Variants in NTRK2 observed in about 807,000 individuals in gnomAD.
NTRK2 encodes BDNF/NT-3 growth factors receptor.
A neutral mutation model predicts 94.5 loss-of-function variants in NTRK2; 13 were observed. The observed-to-expected ratio is 0.14, with a 90% CI of 0.09 to 0.22. The LOEUF (loss-of-function observed/expected upper bound fraction) is 0.22, where lower values mean the gene tolerates loss of function less well. Ranked by LOEUF, NTRK2 falls within the 10% of genes least tolerant of loss-of-function variation. NTRK2 has a pLI of 1.00. For missense variants in NTRK2, 639 were observed against 1,071.2 expected (o/e 0.60, Z 5.63); for synonymous variants, 372 against 407.4 (o/e 0.91, Z 1.05).
At chr9:84,949,593 A>G (rs2078711680) in intron 16 of NTRK2, among the ~76,000 whole-genome samples, 1 of 152,040 alleles carries the variant, frequency 6.6e-6, no homozygotes, top group South Asian at 2.1e-4. Flanking sequence ...TCAACCTCCC[A>G]CGTAGCTGGG....
chr9:84,943,853 G>C (rs1369511072), intron 15 of NTRK2, among the ~76,000 whole-genome samples: 4 of 152,122 alleles, frequency 2.6e-5, no homozygotes, highest in African/African-American at 9.7e-5. Flanking sequence ...TCCACCCTTA[G>C]AAAAATTCTG....
intron 15 of NTRK2, among the ~76,000 whole-genome samples, chr9:84,945,088 G>A (rs1302611239): frequency 6.6e-6 from 1 of 152,106 alleles, no homozygotes; most frequent in East Asian, 1.9e-4. Context: ...CACAAGTTTG[G>A]GGCCAACTCT....
At chr9:84,940,303 G>T (rs2078362790) in intron 15 of NTRK2, among the ~76,000 whole-genome samples, 1 of 152,184 alleles carries the variant, frequency 6.6e-6, no homozygotes, top group Admixed American at 6.5e-5. Context: ...GAGAAGAGCT[G>T]GTATCTGAAA....
At chr9:84,908,961 C>A (rs1226716552) in intron 14 of NTRK2, among the ~76,000 whole-genome samples, 1 of 152,094 alleles carries the variant, frequency 6.6e-6, no homozygotes, top group African/African-American at 2.4e-5. Context: ...AATAGTAACA[C>A]CTTGTAAAAC....
chr9:84,670,180 T>G (rs918866648), intron 1 of NTRK2, among the ~76,000 whole-genome samples, 197 bp from the exon 2 acceptor site: 1 of 151,450 alleles, frequency 6.6e-6, no homozygotes, highest in African/African-American at 2.4e-5. Context: ...GAAGAGAGAG[T>G]GGGCACACTG....
intron 12 of NTRK2, among the ~76,000 whole-genome samples, chr9:84,849,981 A>T (rs1466584182): frequency 6.6e-6 from 1 of 152,200 alleles, no homozygotes; most frequent in Non-Finnish European, 1.5e-5. Flanking sequence ...TTTTTCCCAC[A>T]CAGAGTGCTT....
rs1413475988 is a variant in NTRK2 at position 84,670,883 on chromosome 9, C to T, written c.135C>T (p.Cys45=). Residue 45 remains cysteine, a synonymous_variant, in exon 2 of 19, where the codon TGC becomes TGT. Coordinates refer to ENST00000277120, the MANE Select transcript of NTRK2 (RefSeq NM_006180.6). The part of the protein sequence containing the change: ...SCKCSASRIW[C]SDPSPGIVAF... ...AATGCAGTGCCTCTCGGATCTGGTG[C>T]AGCGACCCTTCTCCTGGCATCGTGG... is the stretch of plus-strand genomic sequence containing the variant. 1 of 1,613,284 alleles carries T rather than the reference C, an allele frequency of 6.2e-7. No individual in the cohort carries two copies. Among genetic ancestry groups the T allele is most frequent in the Non-Finnish European group, 8.5e-7 (1 of 1,180,038 alleles).
At chr9:84,798,833 A>T (rs912264866) in intron 12 of NTRK2, among the ~76,000 whole-genome samples, 3 of 151,206 alleles carry the variant, frequency 2.0e-5, no homozygotes, top group African/African-American at 7.3e-5. Flanking sequence ...CAAGGACAAA[A>T]GCTGAGACCT....
chr9:84,767,690 G>A (rs1037621378), intron 12 of NTRK2, among the ~76,000 whole-genome samples: 5 of 151,908 alleles, frequency 3.3e-5, no homozygotes, highest in African/African-American at 9.7e-5. Flanking sequence ...TCACCTTTTG[G>A]GATCTCCTAT....
chr9:84,685,338 A>G (rs367692274), intron 2 of NTRK2, among the ~76,000 whole-genome samples: 1 of 150,360 alleles, frequency 6.7e-6, no homozygotes, highest in African/African-American at 2.5e-5. Context: ...ACATGCCAGC[A>G]TTAAATTTTA....
At chr9:85,016,713 G>C (rs561593824) in intron 17 of NTRK2, among the ~76,000 whole-genome samples, 24 of 152,218 alleles carry the variant, frequency 1.6e-4, no homozygotes, top group African/African-American at 5.8e-4. Context: ...TCTGAGAAAG[G>C]GTTGCAAAAG....
chr9:84,841,905 T>C lies in NTRK2; in HGVS notation c.1397-19135T>C, dbSNP rs569771889. 2.6e-5 allele frequency among the ~76,000 whole-genome samples: 4 copies of C among 152,324 alleles called. No individual in the cohort carries two copies. The East Asian group carries it at 7.7e-4, about 29-fold the overall frequency. ...GAAAGAATGAACATCCCAGGTTGAA[T>C]CTAGGGCACAGCAAGGTTCAGAGCC... On this transcript the variant is annotated intron_variant, in intron 12 of 18. Transcript: ENST00000277120.
intron 2 of NTRK2, among the ~76,000 whole-genome samples, chr9:84,689,314 G>C (rs974885949): frequency 1.3e-5 from 2 of 152,186 alleles, no homozygotes; most frequent in Non-Finnish European, 2.9e-5. Context: ...TACTCTCATC[G>C]TGTAGGACCT....
intron 12 of NTRK2, among the ~76,000 whole-genome samples, chr9:84,795,853 A>G (rs1191881267): frequency 6.6e-6 from 1 of 151,804 alleles, no homozygotes; most frequent in Non-Finnish European, 1.5e-5. Context: ...CTGCTCTCCT[A>G]TGGCTCTGTT....
At chr9:84,737,291 G>A (rs897076702) in intron 9 of NTRK2, among the ~76,000 whole-genome samples, 1 of 151,944 alleles carries the variant, frequency 6.6e-6, no homozygotes, top group Non-Finnish European at 1.5e-5. Context: ...CAACAAACCT[G>A]TTTTTCCTTT....
rs919246317 is a variant in NTRK2, at chr9:85,022,110, C to T, written c.*673C>T. ...GAGAGAAAGAAGATTTATTATGAAC[C>T]GCAATATGGGAGGAACAAAGACAAC... On this transcript the variant is annotated 3_prime_UTR_variant, in exon 19 of 19. Transcript: ENST00000277120. The T allele has an allele frequency of 5.6e-5, 13 of 233,152 alleles. No homozygotes were observed. Among genetic ancestry groups the T allele is most frequent in the Admixed American group, 2.2e-4 (4 of 17,778 alleles). 14.4% of individuals were successfully genotyped at this position (233,152 alleles called of 1,614,324 possible).
intron 12 of NTRK2, among the ~76,000 whole-genome samples, chr9:84,836,729 C>T (rs1243540155): frequency 2.0e-5 from 3 of 148,798 alleles, no homozygotes; most frequent in African/African-American, 5.0e-5. Flanking sequence ...CTACCACCTC[C>T]GCTGGGGCCT....
chr9:84,874,225 C>T (rs1249358368), intron 14 of NTRK2: 2 of 1,065,336 alleles, frequency 1.9e-6, no homozygotes, highest in South Asian at 4.5e-5. Context: ...AGAGTAGCCT[C>T]CTATGTTGCT....
intron 12 of NTRK2, among the ~76,000 whole-genome samples, chr9:84,851,300 G>T (rs969668058): frequency 6.6e-6 from 1 of 152,190 alleles, no homozygotes; most frequent in Non-Finnish European, 1.5e-5. Context: ...AAACATCAAG[G>T]AAAGAAATGC....
Sources: gnomAD v4.1 joint callset for allele counts (sites outside exome capture counted in the v4.1 genomes callset) on GRCh38, gnomAD v4.1.1 for gene constraint, MANE v1.5 for transcripts, NCBI Gene and HGNC (gene_info 2026-07-23, HGNC 2026-07-21) for gene names.